The following NRF1 variants were observed in gnomAD, a reference collection of about 807,000 sequenced individuals.
NRF1 encodes the protein nuclear respiratory factor 1.
In NRF1, 5 loss-of-function variants were observed where a neutral mutation model predicts 58.5. The ratio of observed to expected loss-of-function variants is 0.09; its 90% CI spans 0.04 to 0.18. The LOEUF (loss-of-function observed/expected upper bound fraction) is 0.18, where lower values mean the gene tolerates loss of function less well. Among genes scored for constraint, NRF1 ranks in the 10% least tolerant of loss-of-function variants. The pLI is 1.00. For synonymous variants in NRF1, 224 were observed against 246.7 expected, an observed-to-expected ratio of 0.91 and a Z score of 0.86; for missense variants, 288 against 657.7, an observed-to-expected ratio of 0.44 and a Z score of 6.15.
chr7:129,620,439 A>G (rs1389998736), intron 1 of NRF1, among the ~76,000 whole-genome samples: 1 of 143,676 alleles, frequency 7.0e-6, no homozygotes, highest in Non-Finnish European at 1.5e-5. Flanking sequence ...CCCAGACTGG[A>G]GTGCAGTGGT....
At chr7:129,702,006 A>T (rs747694505) in intron 5 of NRF1, among the ~76,000 whole-genome samples, 57 of 152,212 alleles carry the variant, frequency 3.7e-4, no homozygotes, top group Non-Finnish European at 4.6e-4. Context: ...TTTTTCTTTA[A>T]TCACATAAAA....
intron 1 of NRF1, among the ~76,000 whole-genome samples, chr7:129,636,523 C>T (rs148836209): frequency 6.6e-6 from 1 of 152,214 alleles, no homozygotes; most frequent in Non-Finnish European, 1.5e-5. Context: ...GCTGGGATTA[C>T]AGGCGTCAGC....
chr7:129,678,773 G>A (rs1313636707), intron 4 of NRF1, among the ~76,000 whole-genome samples: 1 of 152,080 alleles, frequency 6.6e-6, no homozygotes, highest in South Asian at 2.1e-4. Flanking sequence ...ACTACTGGTA[G>A]TAGTAAAGAT....
chr7:129,746,116 G>C (rs148418259), intron 10 of NRF1, among the ~76,000 whole-genome samples: 2 of 152,324 alleles, frequency 1.3e-5, no homozygotes, highest in East Asian at 3.9e-4. Context: ...TTCAGTACTT[G>C]CCAGATGTAA....
At chr7:129,651,351 C>T (rs554365154) in intron 1 of NRF1, among the ~76,000 whole-genome samples, 1 of 149,164 alleles carries the variant, frequency 6.7e-6, no homozygotes, top group East Asian at 2.0e-4. Context: ...ACCCAGGAGG[C>T]AGAGGTTGCT....
intron 1 of NRF1, among the ~76,000 whole-genome samples, chr7:129,643,445 CCTG>C (rs1347541076): frequency 1.3e-5 from 2 of 152,176 alleles, no homozygotes; most frequent in Non-Finnish European, 2.9e-5. Context: ...AGCCTCTAAT[CCTG>C]CTATCACACA....
chr7:129,711,504 G>A lies in NRF1; in HGVS notation c.993G>A (p.Leu331=). 6.2e-7 allele frequency: 1 copy of A among 1,612,592 alleles called. No individual in the cohort carries two copies. The highest frequency in any genetic ancestry group is 8.5e-7 in the Non-Finnish European group (1 of 1,179,378). ...QVGTGATVAT[L]ADASELPTTV... The stretch of plus-strand genomic sequence containing the variant: ...GTACGGGGGCAACAGTAGCCACATT[G>A]GCTGATGCTTCAGAATTGCCAACCA... The change falls in exon 8 of 11, where the codon TTG becomes TTA. Residue 331 remains leucine, a synonymous_variant. Coordinates refer to ENST00000393232, the MANE Select transcript of NRF1 (RefSeq NM_005011.5).
At chr7:129,613,503 T>C (rs939275784) in intron 1 of NRF1, among the ~76,000 whole-genome samples, 3 of 152,142 alleles carry the variant, frequency 2.0e-5, no homozygotes, top group African/African-American at 7.2e-5. Context: ...TCCTAAATTG[T>C]GGGCAGAATT....
chr7:129,720,740 G>T (rs984493209), intron 9 of NRF1, among the ~76,000 whole-genome samples: 6 of 152,132 alleles, frequency 3.9e-5, no homozygotes, highest in African/African-American at 1.4e-4. Context: ...TCTCAACCAC[G>T]CTGTTAAGAG....
chr7:129,667,914 G>A (rs1261254086), intron 2 of NRF1, among the ~76,000 whole-genome samples: 1 of 151,968 alleles, frequency 6.6e-6, no homozygotes, highest in Non-Finnish European at 1.5e-5. Flanking sequence ...GACCTCAGGT[G>A]TGCAGCACCA....
chr7:129,620,621 T>C (rs999012747), intron 1 of NRF1, among the ~76,000 whole-genome samples: 23 of 152,052 alleles, frequency 1.5e-4, no homozygotes, highest in Non-Finnish European at 5.9e-5. Flanking sequence ...TTCCTGACCT[T>C]GTGATCCGCC....
At chr7:129,634,598 A>G (rs1801129397) in intron 1 of NRF1, among the ~76,000 whole-genome samples, 1 of 152,216 alleles carries the variant, frequency 6.6e-6, no homozygotes, top group African/African-American at 2.4e-5. Flanking sequence ...ACTGAGTAAC[A>G]TCTTGGTTGT....
chr7:129,705,932 T>C (rs1802939590), intron 5 of NRF1, among the ~76,000 whole-genome samples: 2 of 149,132 alleles, frequency 1.3e-5, no homozygotes, highest in Admixed American at 1.4e-4. Flanking sequence ...CAGAGCAAGA[T>C]CCGAGAGTGA....
chr7:129,645,046 TAAA>T (rs201771420), intron 1 of NRF1, among the ~76,000 whole-genome samples: 17 of 136,410 alleles, frequency 1.2e-4, no homozygotes, highest in Non-Finnish European at 9.6e-5. Flanking sequence ...TCACCCAGTG[TAAA>T]AAAAAAAAAA....
chr7:129,746,071 G>A (rs1584692478), intron 10 of NRF1, among the ~76,000 whole-genome samples: 1 of 152,154 alleles, frequency 6.6e-6, no homozygotes, highest in Admixed American at 6.5e-5. Flanking sequence ...GTGCACCAAG[G>A]CACCTGTGAG....
chr7:129,644,694 A>G (rs1470696017), intron 1 of NRF1, among the ~76,000 whole-genome samples: 1 of 152,246 alleles, frequency 6.6e-6, no homozygotes, highest in African/African-American at 2.4e-5. Flanking sequence ...TCCAGAACCT[A>G]TAAGAGAGTT....
At chr7:129,692,862 C>G (rs573457710) in intron 5 of NRF1, among the ~76,000 whole-genome samples, 2 of 152,262 alleles carry the variant, frequency 1.3e-5, no homozygotes, top group East Asian at 3.9e-4. Context: ...TGGACTTTAT[C>G]TTATTCAAAG....
chr7:129,672,803 A>G (rs955553925), intron 3 of NRF1, among the ~76,000 whole-genome samples: 5 of 152,200 alleles, frequency 3.3e-5, no homozygotes, highest in Non-Finnish European at 7.3e-5. Context: ...GCCTCTAACC[A>G]TTAAGTGGAG....
chr7:129,669,356 A>C (rs893197496), intron 2 of NRF1, among the ~76,000 whole-genome samples: 1 of 152,210 alleles, frequency 6.6e-6, no homozygotes, highest in Non-Finnish European at 1.5e-5. Context: ...AAATTATAAA[A>C]TATTGAACTC....
Sources: gnomAD v4.1 joint callset for allele counts (sites outside exome capture counted in the v4.1 genomes callset) on GRCh38, gnomAD v4.1.1 for gene constraint, MANE v1.5 for transcripts, NCBI Gene and HGNC (gene_info 2026-07-23, HGNC 2026-07-21) for gene names.